ZBTB7C: variants seen among roughly 807,000 people sequenced by gnomAD.
ZBTB7C encodes the protein zinc finger and BTB domain containing 7C.
A neutral mutation model predicts 25.7 loss-of-function variants in ZBTB7C; 8 were observed. The observed-to-expected ratio is 0.31, with a 90% CI of 0.18 to 0.56. The LOEUF (loss-of-function observed/expected upper bound fraction) is 0.56, where lower values mean the gene tolerates loss of function less well. Among genes scored for constraint, ZBTB7C ranks in the 20% least tolerant of loss-of-function variants. The pLI is 0.91. For synonymous variants in ZBTB7C, 394 were observed against 369.0 expected (o/e 1.07, Z -0.78); for missense variants, 824 against 855.2 (o/e 0.96, Z 0.46).
chr18:48,145,046 TAGAG>T (rs1448838980), intron 3 of ZBTB7C, among the ~76,000 whole-genome samples: 1 of 152,170 alleles, frequency 6.6e-6, no homozygotes, highest in Admixed American at 6.5e-5. Flanking sequence ...GAATCTGGGT[TAGAG>T]ACTCAGGCAA....
chr18:48,189,950 A>G (rs1028931162), intron 2 of ZBTB7C, among the ~76,000 whole-genome samples: 1 of 152,232 alleles, frequency 6.6e-6, no homozygotes, highest in African/African-American at 2.4e-5. Context: ...TCTTCCCGAC[A>G]GGTGAGAAAT....
At chr18:48,315,139 G>A (rs2045919872) in intron 2 of ZBTB7C, among the ~76,000 whole-genome samples, 1 of 152,186 alleles carries the variant, frequency 6.6e-6, no homozygotes, top group East Asian at 1.9e-4. Context: ...CAGGGGAGTT[G>A]AGACACTCGG....
chr18:48,284,172 G>C (rs926088265), intron 2 of ZBTB7C, among the ~76,000 whole-genome samples: 2 of 152,180 alleles, frequency 1.3e-5, no homozygotes, highest in African/African-American at 2.4e-5. Context: ...AGAACAAAAG[G>C]GGACTGGGCA....
chr18:48,137,452 CT>C, intron 3 of ZBTB7C: 1 of 341,972 alleles, frequency 2.9e-6, no homozygotes, highest in Non-Finnish European at 4.1e-6. Flanking sequence ...CACAAAATGA[CT>C]TACCACTTAT....
intron 2 of ZBTB7C, among the ~76,000 whole-genome samples, chr18:48,258,722 A>G (rs2044088394): frequency 6.6e-6 from 1 of 152,084 alleles, no homozygotes; most frequent in South Asian, 2.1e-4. Flanking sequence ...CAATGGCATG[A>G]TCTTGGCTCA....
intron 3 of ZBTB7C, among the ~76,000 whole-genome samples, chr18:48,178,954 G>A (rs1174979952): frequency 6.6e-6 from 1 of 152,182 alleles, no homozygotes. Context: ...GCAGCAGGAG[G>A]ACCCCTCCTG....
At chr18:48,265,882 A>G (rs2044299132) in intron 2 of ZBTB7C, among the ~76,000 whole-genome samples, 1 of 152,192 alleles carries the variant, frequency 6.6e-6, no homozygotes, top group Non-Finnish European at 1.5e-5. Flanking sequence ...CTAAAACGAC[A>G]TCATTGAGAC....
intron 1 of ZBTB7C, among the ~76,000 whole-genome samples, chr18:48,343,791 C>T (rs2046660517): frequency 6.6e-6 from 1 of 152,100 alleles, no homozygotes; most frequent in Admixed American, 6.6e-5. Flanking sequence ...TAACAGGCCC[C>T]CTCCTCTCTC....
At chr18:48,388,530 T>C (rs1402050465) in intron 1 of ZBTB7C, among the ~76,000 whole-genome samples, 1 of 152,222 alleles carries the variant, frequency 6.6e-6, no homozygotes, top group Non-Finnish European at 1.5e-5. Context: ...TTGCTCTCTT[T>C]TTTATAATGG....
intron 2 of ZBTB7C, among the ~76,000 whole-genome samples, chr18:48,228,627 C>A (rs2043166984): frequency 6.6e-6 from 1 of 151,984 alleles, no homozygotes; most frequent in Non-Finnish European, 1.5e-5. Flanking sequence ...TGGTTGCCGC[C>A]CCCCTGCCTG....
At position 48,147,102 on chromosome 18, in the gene ZBTB7C, A is replaced by C. The variant is rs566404357; in HGVS notation, c.-17+38832T>G. Among the ~76,000 whole-genome samples the C allele has an allele frequency of 1.6e-4, 24 of 152,298 alleles. No individual in the cohort carries two copies. In the South Asian group the frequency reaches 3.5e-3, roughly 22 times the overall value. On this transcript the variant is annotated intron_variant, in intron 3 of 4. Transcript: ENST00000590800. The stretch of plus-strand genomic sequence containing the variant: ...TATTAATTTATTGTTTTTGAGACAC[A>C]GTCTCACTCTTGTCACCCAGGCTGG...
intron 3 of ZBTB7C, among the ~76,000 whole-genome samples, chr18:48,173,191 G>A (rs188308673): frequency 6.6e-6 from 1 of 152,298 alleles, no homozygotes; most frequent in African/African-American, 2.4e-5. Flanking sequence ...CCCAAAACCT[G>A]ATTAAGAAAA....
At position 48,294,015 on chromosome 18, in the gene ZBTB7C, T is replaced by TTGGGCC. The variant is rs554865193; in HGVS notation, c.-79+44153_-79+44158dup. Among the ~76,000 whole-genome samples the TTGGGCC allele has an allele frequency of 4.1e-3, 632 of 152,332 alleles. 3 individuals carry two copies. Among genetic ancestry groups the TTGGGCC allele is most frequent in the African/African-American group, 0.014 (587 of 41,588 alleles). Reference sequence around the variant, plus strand: ...TGTTTCTTGGGTGAGGTGCTGGAGCTTGGGCCTGGGCCTGCTATGGCCACC... The same window carrying TTGGGCC: ...TGTTTCTTGGGTGAGGTGCTGGAGCTTGGGCCTGGGCCTGGGCCTGCTATGGCCACC... On this transcript the variant is annotated intron_variant, in intron 2 of 4. Transcript: ENST00000590800.
intron 3 of ZBTB7C, among the ~76,000 whole-genome samples, chr18:48,094,820 T>C (rs967373252): frequency 1.3e-5 from 2 of 152,164 alleles, no homozygotes; most frequent in African/African-American, 4.8e-5. Flanking sequence ...ATCTGTTTCA[T>C]TAAAATGGAA....
At chr18:48,374,335 G>A (rs1008368637) in intron 1 of ZBTB7C, 3 of 152,256 alleles carry the variant, frequency 2.0e-5, no homozygotes, top group Non-Finnish European at 4.4e-5. Context: ...GAGGCATCAA[G>A]TTGCAGGAAC....
At chr18:48,353,724 G>A (rs1355707697) in intron 1 of ZBTB7C, among the ~76,000 whole-genome samples, 1 of 152,170 alleles carries the variant, frequency 6.6e-6, no homozygotes. Flanking sequence ...GGCTGGCCTG[G>A]TTGCAATGGC....
intron 1 of ZBTB7C, among the ~76,000 whole-genome samples, chr18:48,374,487 T>C (rs979959755): frequency 6.6e-6 from 1 of 152,178 alleles, no homozygotes; most frequent in African/African-American, 2.4e-5. Context: ...TTCTTCCTCA[T>C]CTCTGGGGTC....
At chr18:48,064,524 C>T (rs1022764792) in intron 3 of ZBTB7C, among the ~76,000 whole-genome samples, 2 of 152,208 alleles carry the variant, frequency 1.3e-5, no homozygotes, top group Non-Finnish European at 2.9e-5. Flanking sequence ...GGGTGGATTA[C>T]TTGAGTTTAG....
intron 3 of ZBTB7C, among the ~76,000 whole-genome samples, chr18:48,126,051 G>C (rs1462146051): frequency 6.6e-6 from 1 of 152,166 alleles, no homozygotes; most frequent in Non-Finnish European, 1.5e-5. Context: ...CTATGCTTCA[G>C]GGATACATCA....
Sources: allele counts gnomAD v4.1 joint callset (sites outside exome capture counted in the v4.1 genomes callset), GRCh38; gene constraint gnomAD v4.1.1; transcripts MANE v1.5; gene names NCBI Gene and HGNC (gene_info 2026-07-23, HGNC 2026-07-21).